TRIM66: variants seen among roughly 807,000 people sequenced by gnomAD.
The protein encoded by TRIM66 is tripartite motif containing 66, also known as tripartite motif-containing protein 66.
TRIM66 carries 99 observed loss-of-function variants against 148.2 expected under a neutral mutation model. The observed-to-expected ratio is 0.67, with a 90% CI of 0.57 to 0.79. The LOEUF (loss-of-function observed/expected upper bound fraction) is 0.79, where lower values mean the gene tolerates loss of function less well. Ranked by LOEUF, TRIM66 falls within the 30% of genes least tolerant of loss-of-function variation. TRIM66 has a pLI of 0.00. For missense variants in TRIM66, 1,666 were observed against 1,697.9 expected, an observed-to-expected ratio of 0.98 and a Z score of 0.33; for synonymous variants, 616 against 635.9, an observed-to-expected ratio of 0.97 and a Z score of 0.47.
chr11:8,657,209 G>A (rs885114), intron 6 of TRIM66, among the ~76,000 whole-genome samples: 52,237 of 152,020 alleles, frequency 0.34, 9,521 homozygotes, highest in East Asian at 0.6. Context: ...CACCAAGTGA[G>A]GACACACTCG....
intron 12 of TRIM66, among the ~76,000 whole-genome samples, chr11:8,643,918 C>G (rs111737778): frequency 2.0e-5 from 3 of 152,256 alleles, no homozygotes; most frequent in African/African-American, 7.2e-5. Context: ...TCCAACTTAC[C>G]CTGCTATCCT....
intron 23 of TRIM66, 25 bp from the exon 24 acceptor site, chr11:8,618,993 G>T: frequency 1.9e-6 from 3 of 1,543,972 alleles, no homozygotes; most frequent in South Asian, 2.4e-5. Context: ...GAGCAGTGAT[G>T]GTCTAGCCTG....
chr11:8,617,590 A>G lies in TRIM66; in HGVS notation c.*354T>C. 3.7e-6 allele frequency: 1 copy of G among 267,176 alleles called. No homozygotes were observed. Among genetic ancestry groups the G allele is most frequent in the Non-Finnish European group, 7.1e-6 (1 of 141,070 alleles). The allele number at this position is 267,176 out of a possible 1,614,324, so 16.6% of individuals were successfully genotyped here. A position where few individuals can be genotyped will look rare whatever the true frequency, so the allele number is the denominator to read the frequency against. On this transcript the variant is annotated 3_prime_UTR_variant, in exon 25 of 25. Coordinates refer to ENST00000646038, the MANE Select transcript of TRIM66 (RefSeq NM_001388022.1). The stretch of plus-strand genomic sequence containing the variant: ...TGTATACATGGCTCCTGAGCCCTGG[A>G]CACTAAAAGGTTAGACGGGTCTGCT...
intron 3 of TRIM66, among the ~76,000 whole-genome samples, chr11:8,676,454 A>C (rs2039181712): frequency 6.6e-6 from 1 of 152,164 alleles, no homozygotes; most frequent in African/African-American, 2.4e-5. Flanking sequence ...CCACCCCATA[A>C]GGTCTACAGA....
chr11:8,682,940 C>T, upstream of TRIM66: 1 of 1,323,676 alleles, frequency 7.6e-7, no homozygotes, highest in Non-Finnish European at 1.0e-6. Flanking sequence ...TGGCCGCCTG[C>T]GGGGCAGGGT....
chr11:8,631,043 C>T (rs921441658), intron 15 of TRIM66, among the ~76,000 whole-genome samples: 1 of 152,154 alleles, frequency 6.6e-6, no homozygotes, highest in Non-Finnish European at 1.5e-5. Flanking sequence ...ATGATTGCCA[C>T]ATGGTATTGT....
intron 15 of TRIM66, among the ~76,000 whole-genome samples, chr11:8,631,782 C>T (rs1399599923): frequency 2.0e-5 from 3 of 152,282 alleles, no homozygotes; most frequent in South Asian, 2.1e-4. Flanking sequence ...TCAAGAACAC[C>T]GGCTAGATAC....
chr11:8,645,897 G>GAGAGAAGAC lies in TRIM66; in HGVS notation c.958-19_958-11dup, dbSNP rs1274111508. On this transcript the variant is annotated splice_polypyrimidine_tract_variant and intron_variant, in intron 11 of 24. Transcript: ENST00000646038. ...TCTCATTAGTAATCCCCTGGGTACA[G>GAGAGAAGAC]AGAGAAGACAGAGTCCTTGATCCTG... The GAGAGAAGAC allele has an allele frequency of 2.6e-6, 4 of 1,551,166 alleles. No homozygotes were observed. The highest frequency in any genetic ancestry group is 2.0e-5 in the Admixed American group (1 of 50,980).
At chr11:8,669,298 C>T (rs2038789207) in intron 6 of TRIM66, among the ~76,000 whole-genome samples, 1 of 152,180 alleles carries the variant, frequency 6.6e-6, no homozygotes, top group Non-Finnish European at 1.5e-5. Context: ...GTCAATACTG[C>T]TGAAATCAAT....
At chr11:8,674,021 C>T (rs563407609) in intron 4 of TRIM66, among the ~76,000 whole-genome samples, 10 of 152,192 alleles carry the variant, frequency 6.6e-5, no homozygotes, top group African/African-American at 2.4e-4. Flanking sequence ...TCCTTCTGGG[C>T]ATTATTTAGC....
At position 8,671,875 on chromosome 11, in the gene TRIM66, G is replaced by A; in HGVS notation, c.251C>T (p.Ser84Phe). 3.3e-6 allele frequency: 5 copies of A among 1,536,054 alleles called. No individual in the cohort carries two copies. The highest frequency in any genetic ancestry group is 4.4e-6 in the Non-Finnish European group (5 of 1,146,828). Residue 84 changes from serine to phenylalanine, a missense_variant, in exon 6 of 25, where the codon TCC becomes TTC. By Grantham distance (155) the Ser-to-Phe change is radical (BLOSUM62 -2). Coordinates refer to ENST00000646038, the MANE Select transcript of TRIM66 (RefSeq NM_001388022.1). ...GTCCTTACGGAGCAAATGCTGGCAG[G>A]ATAGGAGATGAGAGCCCATACCTGG... ...DLPGMGSHLL[S>F]CQHLLRKDCF...
At chr11:8,665,132 G>T (rs2038507910) in intron 6 of TRIM66, among the ~76,000 whole-genome samples, 2 of 151,362 alleles carry the variant, frequency 1.3e-5, no homozygotes, top group Admixed American at 6.6e-5. Context: ...AAAAAAAACA[G>T]ATTTCTGCCC....
At chr11:8,646,287 C>T (rs550328843) in intron 11 of TRIM66, among the ~76,000 whole-genome samples, 160 bp downstream of exon 11, 1 of 152,042 alleles carries the variant, frequency 6.6e-6, no homozygotes, top group Non-Finnish European at 1.5e-5. Context: ...AATGAGCCAC[C>T]CTCCCAAAAT....
chr11:8,645,817 A>C lies in TRIM66; in HGVS notation c.1028T>G (p.Phe343Cys), dbSNP rs977239829. 6.4e-7 allele frequency: 1 copy of C among 1,551,630 alleles called. No individual in the cohort carries two copies. Among genetic ancestry groups the C allele is most frequent in the African/African-American group, 1.4e-5 (1 of 73,058 alleles). ...LQSIMVLNRQFEHVQNFINWA... is the reference protein window; with the variant it reads ...LQSIMVLNRQCEHVQNFINWA... ...GTTGATGAAATTCTGCACATGCTCA[A>C]ACTGACGGTTGAGAACCATGATGCT... Residue 343 changes from phenylalanine (F) to cysteine (C), a missense_variant, in exon 12 of 25, where the codon TTT (phenylalanine) becomes TGT (cysteine). Physicochemically the swap from Phe to Cys is radical, Grantham distance 205. Transcript: ENST00000646038.
Position 8,651,744 on chromosome 11 carries a change from G to C in TRIM66, c.444+56C>G, listed in dbSNP as rs2037379016. On this transcript the variant is annotated intron_variant, in intron 7 of 24. Coordinates refer to ENST00000646038, the MANE Select transcript of TRIM66 (RefSeq NM_001388022.1). The stretch of plus-strand genomic sequence containing the variant: ...TGGATGGATAGAAGACTTATGGACA[G>C]GGGCCTCACAGATTTCTGAAAAAGA... 5.9e-6 allele frequency: 8 copies of C among 1,344,738 alleles called. 1 individual carries two copies. The South Asian group carries it at 1.0e-4, about 17-fold the overall frequency. The allele number at this position is 1,344,738 out of a possible 1,614,324, so 83.3% of individuals were successfully genotyped here. A position where few individuals can be genotyped will look rare whatever the true frequency, so the allele number is the denominator to read the frequency against.
chr11:8,624,859 T>A lies in TRIM66; in HGVS notation c.2680A>T (p.Ser894Cys). 1 of 1,551,702 alleles carries A rather than the reference T, an allele frequency of 6.4e-7. No individual in the cohort carries two copies. The highest frequency in any genetic ancestry group is 8.7e-7 in the Non-Finnish European group (1 of 1,146,980). Residue 894 changes from serine to cysteine, a missense_variant, in exon 16 of 25, where the codon AGT becomes TGT. Around this residue, in one of 3 missense-constraint regions of TRIM66, gnomAD observed 1,431 missense variants for 1,412.4 expected, o/e 1.01. Coordinates refer to ENST00000646038, the MANE Select transcript of TRIM66 (RefSeq NM_001388022.1). ...CTCTGCAGAGGACAAGTTGCCAGAC[T>A]CGGCACAGCCTGGGTGTGACCAGAC... The part of the protein sequence containing the change: ...LMSGHTQAVP[S>C]LATCPLQSIP...
At chr11:8,651,624 T>C (rs2037366625) in intron 7 of TRIM66, among the ~76,000 whole-genome samples, 176 bp downstream of exon 7, 1 of 152,220 alleles carries the variant, frequency 6.6e-6, no homozygotes, top group Non-Finnish European at 1.5e-5. Context: ...CCCCTCATTG[T>C]TTCCCCCAAC....
chr11:8,624,085 C>G (rs1218109060), intron 17 of TRIM66, among the ~76,000 whole-genome samples: 1 of 152,158 alleles, frequency 6.6e-6, no homozygotes, highest in African/African-American at 2.4e-5. Flanking sequence ...TTCTGTTTCC[C>G]CCTAGGTATA....
intron 15 of TRIM66, among the ~76,000 whole-genome samples, chr11:8,628,636 A>AAAAAAG (rs1555042270): frequency 2.1e-5 from 2 of 93,340 alleles, no homozygotes; most frequent in African/African-American, 3.5e-5. Context: ...AAAAAAAAAA[A>AAAAAAG]AGAGAGAGAA....
Sources: allele counts gnomAD v4.1 joint callset (sites outside exome capture counted in the v4.1 genomes callset), GRCh38; gene constraint gnomAD v4.1.1; regional missense constraint gnomAD v4.1.1; transcripts MANE v1.5; gene names NCBI Gene and HGNC (gene_info 2026-07-23, HGNC 2026-07-21).